Variants in GPR146 observed in about 807,000 individuals in gnomAD.
GPR146 encodes the protein G protein-coupled receptor 146, also known as G-protein coupled receptor 146.
For missense variants in GPR146, 381 were observed against 213.9 expected, an observed-to-expected ratio of 1.78 and a Z score of -4.87; for synonymous variants, 203 against 104.3, an observed-to-expected ratio of 1.95 and a Z score of -5.77.
chr7:1,046,230 A>C (rs904484599), intron 1 of GPR146, among the ~76,000 whole-genome samples: 1 of 152,180 alleles, frequency 6.6e-6, no homozygotes, highest in Non-Finnish European at 1.5e-5. Context: ...AGCCCCTAGG[A>C]TGTCACCTGG....
At position 1,058,636 on chromosome 7, in the gene GPR146, G is replaced by A. The variant is rs1784143559; in HGVS notation, c.*119G>A. ...CTGCTGGAAGAGAAGCAGGAGGGGT[G>A]TTTTTCTTGAAGTTTCCTTTTTCCC... is the stretch of plus-strand genomic sequence containing the variant. On this transcript the variant is annotated 3_prime_UTR_variant, in exon 2 of 2. Coordinates refer to ENST00000444847, the MANE Select transcript of GPR146 (RefSeq NM_001303473.2). 1.6e-6 allele frequency: 1 copy of A among 615,162 alleles called. No individual in the cohort carries two copies. Among genetic ancestry groups the A allele is most frequent in the African/African-American group, 1.9e-5 (1 of 53,974 alleles). 38.1% of individuals were successfully genotyped at this position (615,162 alleles called of 1,614,324 possible). A position where few individuals can be genotyped will look rare whatever the true frequency, so the allele number is the denominator to read the frequency against.
chr7:1,050,961 G>A (rs557813631), intron 1 of GPR146, among the ~76,000 whole-genome samples: 8 of 152,372 alleles, frequency 5.3e-5, no homozygotes, highest in African/African-American at 7.2e-5. Flanking sequence ...CGGCCATGCC[G>A]TCAGAGAGGG....
rs376163343 is a variant in GPR146, at chr7:1,057,184, C to T, written c.-24-308C>T. On this transcript the variant is annotated intron_variant, in intron 1 of 1. Transcript: ENST00000444847. ...CGGGGCCCGTCCAACCAACTCAGGA[C>T]GACCACCCAGGCCTCGCAGCAGCCC... 6.3e-4 allele frequency among the ~76,000 whole-genome samples: 96 copies of T among 152,286 alleles called. 1 individual carries two copies. The highest frequency in any genetic ancestry group is 2.3e-3 in the African/African-American group (96 of 41,566).
intron 1 of GPR146, among the ~76,000 whole-genome samples, chr7:1,056,998 C>A (rs996406298): frequency 1.3e-5 from 2 of 152,170 alleles, no homozygotes; most frequent in East Asian, 3.8e-4. Flanking sequence ...AGGTCACCCT[C>A]CCTGGAGCCC....
rs1466188179 is a variant in GPR146, at chr7:1,059,239, TATAA to T, written c.*728_*731del. On this transcript the variant is annotated 3_prime_UTR_variant, in exon 2 of 2. Transcript: ENST00000444847. Reference sequence around the variant, plus strand: ...TCAAAGTGTGCACAAAACTAAAGAATATAAATAAACAAAAGAAAGGTGTGTTAGG... The same window carrying T: ...TCAAAGTGTGCACAAAACTAAAGAATATAAACAAAAGAAAGGTGTGTTAGG... The T allele has an allele frequency of 6.0e-6, 1 of 166,824 alleles. No individual in the cohort carries two copies. Among genetic ancestry groups the T allele is most frequent in the Non-Finnish European group, 1.5e-5 (1 of 68,186 alleles). 10.3% of individuals were successfully genotyped at this position (166,824 alleles called of 1,614,324 possible). A position where few individuals can be genotyped will look rare whatever the true frequency, so the allele number is the denominator to read the frequency against.
intron 1 of GPR146, among the ~76,000 whole-genome samples, chr7:1,053,321 C>A (rs183102423): frequency 6.6e-6 from 1 of 152,234 alleles, no homozygotes; most frequent in African/African-American, 2.4e-5. Flanking sequence ...GGGGGAGGGG[C>A]GTCCACAGTA....
Position 1,058,541 on chromosome 7 carries a change from C to T in GPR146, c.*24C>T, listed in dbSNP as rs753137935. On this transcript the variant is annotated 3_prime_UTR_variant, in exon 2 of 2. Coordinates refer to ENST00000444847, the MANE Select transcript of GPR146 (RefSeq NM_001303473.2). ...AGGCGGCCCAGCCCTCCTGGGGAGA[C>T]GTGACTCTGGTGGACGCAGAGCACT... The T allele has an allele frequency of 1.2e-5, 9 of 764,640 alleles. No individual in the cohort carries two copies. The highest frequency in any genetic ancestry group is 3.5e-5 in the Admixed American group (2 of 57,348). The allele number at this position is 764,640 out of a possible 1,614,324, so 47.4% of individuals were successfully genotyped here. A position where few individuals can be genotyped will look rare whatever the true frequency, so the allele number is the denominator to read the frequency against.
At chr7:1,054,482 C>T (rs1015516278) in intron 1 of GPR146, among the ~76,000 whole-genome samples, 1 of 152,210 alleles carries the variant, frequency 6.6e-6, no homozygotes, top group Non-Finnish European at 1.5e-5. Context: ...AGCACGCACT[C>T]GAGAGCCGGT....
At chr7:1,051,490 C>T (rs981593841) in intron 1 of GPR146, among the ~76,000 whole-genome samples, 7 of 152,236 alleles carry the variant, frequency 4.6e-5, no homozygotes, top group Admixed American at 3.9e-4. Context: ...CTCCCGATTC[C>T]GCTGGGCTTT....
intron 1 of GPR146, chr7:1,055,423 T>C (rs1274204504): frequency 2.1e-6 from 1 of 468,198 alleles, no homozygotes; most frequent in South Asian, 1.5e-5. Flanking sequence ...TGTCCCGCCA[T>C]GCTGCTCACC....
intron 1 of GPR146, among the ~76,000 whole-genome samples, chr7:1,050,198 C>G (rs987505373): frequency 6.6e-6 from 1 of 152,252 alleles, no homozygotes; most frequent in Non-Finnish European, 1.5e-5. Flanking sequence ...CCCAGCCTGC[C>G]TGTGCACCCT....
Position 1,057,785 on chromosome 7 carries a change from C to G in GPR146, c.270C>G (p.Ser90=). The change falls in exon 2 of 2, where the codon TCC becomes TCG. Residue 90 remains serine (S), a synonymous_variant. Coordinates refer to ENST00000444847, the MANE Select transcript of GPR146 (RefSeq NM_001303473.2). ...APVHLLGPPS[S]RWALWSVGGE... ...TGCACCTGCTCGGCCCCCCGAGCTC[C>G]CGGTGGGCGCTGTGGAGTGTGGGCG... 1 of 774,586 alleles carries G rather than the reference C, an allele frequency of 1.3e-6. No individual in the cohort carries two copies. The highest frequency in any genetic ancestry group is 2.4e-6 in the Non-Finnish European group (1 of 417,370). The allele number at this position is 774,586 out of a possible 1,614,324, so 48.0% of individuals were successfully genotyped here.
At chr7:1,047,752 C>T (rs756776775) in intron 1 of GPR146, among the ~76,000 whole-genome samples, 4 of 152,202 alleles carry the variant, frequency 2.6e-5, no homozygotes, top group Non-Finnish European at 5.9e-5. Flanking sequence ...GTTCTCTTTC[C>T]ACTCAAATCT....
intron 1 of GPR146, among the ~76,000 whole-genome samples, chr7:1,047,901 C>T (rs903807530): frequency 6.6e-6 from 1 of 152,224 alleles, no homozygotes; most frequent in Non-Finnish European, 1.5e-5. Flanking sequence ...AAGCCTTTTA[C>T]GTCACTGAAT....
At chr7:1,049,466 C>G (rs573662888) in intron 1 of GPR146, among the ~76,000 whole-genome samples, 1 of 152,358 alleles carries the variant, frequency 6.6e-6, no homozygotes, top group East Asian at 1.9e-4. Flanking sequence ...TGCAAAGGCA[C>G]CTGTGTGCAA....
intron 1 of GPR146, among the ~76,000 whole-genome samples, chr7:1,053,602 C>T (rs1227641056): frequency 5.9e-5 from 9 of 152,258 alleles, no homozygotes; most frequent in Middle Eastern, 6.8e-3. Context: ...CCGAGGTGGG[C>T]GGATCACCTG....
Position 1,051,497 on chromosome 7 carries a change from CT to C in GPR146, c.-24-5992del, listed in dbSNP as rs1453154097. The stretch of plus-strand genomic sequence containing the variant: ...CTGACACTCTCCCGATTCCGCTGGG[CT>C]TTCTAAGCCCTCCTCTCCTGTCCAC... On this transcript the variant is annotated intron_variant, in intron 1 of 1. Transcript: ENST00000444847. 4.6e-5 allele frequency among the ~76,000 whole-genome samples: 7 copies of C among 152,344 alleles called. No individual in the cohort carries two copies. The East Asian group carries it at 1.3e-3, about 29-fold the overall frequency.
At chr7:1,057,437 G>A in intron 1 of GPR146, 55 bp from the exon 2 acceptor site, 1 of 654,174 alleles carries the variant, frequency 1.5e-6, no homozygotes, top group Non-Finnish European at 2.8e-6. Flanking sequence ...CAGCACTTCT[G>A]GGCCAGGGCT....
intron 1 of GPR146, among the ~76,000 whole-genome samples, chr7:1,053,698 T>G (rs1004962893): frequency 3.9e-5 from 6 of 152,060 alleles, no homozygotes; most frequent in Non-Finnish European, 7.4e-5. Flanking sequence ...GTGGTGGCAG[T>G]CGCCTGTAAT....
Sources: gnomAD v4.1 joint callset for allele counts (sites outside exome capture counted in the v4.1 genomes callset) on GRCh38, gnomAD v4.1.1 for gene constraint, MANE v1.5 for transcripts, NCBI Gene and HGNC (gene_info 2026-07-23, HGNC 2026-07-21) for gene names.